Variants in PEX5 observed in about 807,000 individuals in gnomAD.
PEX5 encodes the protein peroxisomal biogenesis factor 5, also known as PTS1 receptor.
PEX5 carries 52 observed loss-of-function variants against 82.9 expected under a neutral mutation model. That is an observed-to-expected ratio of 0.63 (90% confidence interval 0.50 to 0.79). The LOEUF is 0.79. PEX5 is among the 30% of genes least tolerant of loss of function. The probability of loss-of-function intolerance (pLI) is 0.00; values close to 1 mark genes in which losing one functional copy is unlikely to be tolerated. For synonymous variants in PEX5, 300 were observed against 318.8 expected (o/e 0.94, Z 0.63); for missense variants, 719 against 815.2 (o/e 0.88, Z 1.44).
rs148266027 is a variant in PEX5 at position 7,208,627 on chromosome 12, G to A, written c.1352G>A (p.Gly451Glu). 6.5e-5 allele frequency: 105 copies of A among 1,614,054 alleles called. No individual in the cohort carries two copies. The highest frequency in any genetic ancestry group is 2.8e-4 in the Admixed American group (17 of 60,028). The change falls in exon 13 of 16, where the codon GGA (glycine) becomes GAA (glutamate). Residue 451 changes from glycine (G) to glutamate (E), a missense_variant. Transcript: ENST00000675855. ...TPAEEGAGGA[G>E]LGPSKRILGS... ...GCTGAAGAAGGGGCTGGTGGGGCAG[G>A]ACTGGGCCCCAGCAAGCGTATCCTG...
downstream of PEX5, among the ~76,000 whole-genome samples, chr12:7,215,567 A>C (rs1300742667): frequency 6.6e-6 from 1 of 152,226 alleles, no homozygotes; most frequent in Admixed American, 6.5e-5. Context: ...TCCGCGAAAA[A>C]GAACAAAATC....
chr12:7,209,979 T>C, intron 15 of PEX5, 43 bp from the exon 16 acceptor site: 1 of 1,608,210 alleles, frequency 6.2e-7, no homozygotes, highest in Middle Eastern at 1.7e-4. Flanking sequence ...TTCCTTCCAT[T>C]GTTGTTCAGC....
At chr12:7,190,269 C>G in intron 1 of PEX5, 93 bp from the exon 2 acceptor site, 1 of 1,591,380 alleles carries the variant, frequency 6.3e-7, no homozygotes, top group Non-Finnish European at 8.5e-7. Flanking sequence ...GTGGGGCAGA[C>G]GCCTGTGTGC....
At chr12:7,218,208 T>C (rs946705790) in intron 17 of PEX5, among the ~76,000 whole-genome samples, 4 of 152,198 alleles carry the variant, frequency 2.6e-5, no homozygotes, top group Admixed American at 1.3e-4. Flanking sequence ...TTAAGAGTCC[T>C]TCCAGGATTC....
downstream of PEX5, among the ~76,000 whole-genome samples, chr12:7,216,112 C>T (rs1388328399): frequency 1.3e-5 from 2 of 152,154 alleles, no homozygotes; most frequent in East Asian, 1.9e-4. Flanking sequence ...CTATTACAGG[C>T]GCCTGCCACC....
In PEX5 at chr12:7,208,600, C is replaced by T; in HGVS notation, c.1325C>T (p.Pro442Leu). The T allele has an allele frequency of 6.2e-7, 1 of 1,614,154 alleles. No individual in the cohort carries two copies. The highest frequency in any genetic ancestry group is 8.5e-7 in the Non-Finnish European group (1 of 1,180,024). ...CCAGCCTATGCCCATCTGGTGACAC[C>T]TGCTGAAGAAGGGGCTGGTGGGGCA... The part of the protein sequence containing the change: ...YTPAYAHLVT[P>L]AEEGAGGAGL... The change falls in exon 13 of 16, where the codon CCT (proline) becomes CTT (leucine). Residue 442 changes from proline (P) to leucine (L), a missense_variant. Transcript: ENST00000675855.
intron 6 of PEX5, among the ~76,000 whole-genome samples, chr12:7,200,213 G>T (rs1412098490): frequency 6.6e-6 from 1 of 150,830 alleles, no homozygotes; most frequent in Non-Finnish European, 1.5e-5. Flanking sequence ...TCCCAGACGG[G>T]GTCGCGGCCA....
At chr12:7,191,027 G>A in intron 3 of PEX5, 104 bp downstream of exon 3, 1 of 1,223,438 alleles carries the variant, frequency 8.2e-7, no homozygotes, top group Non-Finnish European at 1.2e-6. Flanking sequence ...TTTCCTGACC[G>A]AATGAGAATG....
At position 7,200,232 on chromosome 12, in the gene PEX5, C is replaced by T. The variant is rs1272494707; in HGVS notation, c.551+1119C>T. Among the ~76,000 whole-genome samples, 3 of 146,490 alleles carry T rather than the reference C, an allele frequency of 2.0e-5. 1 individual carries two copies. Among genetic ancestry groups the T allele is most frequent in the Admixed American group, 1.4e-4 (2 of 14,804 alleles). On this transcript the variant is annotated intron_variant, in intron 6 of 15. Transcript: ENST00000675855. Reference sequence around the variant, plus strand: ...AGACGGGGTCGCGGCCAGGCAGAGGCGCTCCTCACATCCCAGACGGGGCGG... The same window carrying T: ...AGACGGGGTCGCGGCCAGGCAGAGGTGCTCCTCACATCCCAGACGGGGCGG...
upstream of PEX5, chr12:7,188,784 C>G (rs1452821969): frequency 6.6e-6 from 1 of 152,500 alleles, no homozygotes; most frequent in Non-Finnish European, 1.5e-5. Flanking sequence ...CTCCATGACA[C>G]TAGGACTCCC....
At position 7,208,020 on chromosome 12, in the gene PEX5, A is replaced by G; in HGVS notation, c.1121A>G (p.Tyr374Cys). Residue 374 changes from tyrosine (Y) to cysteine (C), a missense_variant, in exon 12 of 16, where the codon TAT becomes TGT. By Grantham distance (194) the Tyr-to-Cys change is radical. Transcript: ENST00000675855. ...QDPKHMEAWQYLGTTQAENEQ... is the reference protein window; with the variant it reads ...QDPKHMEAWQCLGTTQAENEQ... ...TCAACTTCCCTCTAGGCTTGGCAGT[A>G]TCTGGGTACCACCCAGGCAGAGAAT... 2 of 1,613,442 alleles carry G rather than the reference A, an allele frequency of 1.2e-6. No homozygotes were observed. The highest frequency in any genetic ancestry group is 1.7e-6 in the Non-Finnish European group (2 of 1,179,348).
intron 6 of PEX5, among the ~76,000 whole-genome samples, chr12:7,201,510 T>A (rs1196218700): frequency 1.3e-5 from 2 of 152,204 alleles, no homozygotes; most frequent in African/African-American, 4.8e-5. Flanking sequence ...ATTTTGAGCC[T>A]GCTACTATCC....
At chr12:7,196,283 ATATAATTTAATTAT>A (rs1942182913) in intron 5 of PEX5, among the ~76,000 whole-genome samples, 1 of 73,266 alleles carries the variant, frequency 1.4e-5, no homozygotes, top group African/African-American at 6.1e-5. Flanking sequence ...TATATGTCAT[ATATAATTTAATTAT>A]ATGTCATATA....
At chr12:7,194,986 A>C (rs1941834922) in intron 5 of PEX5, among the ~76,000 whole-genome samples, 4 of 152,232 alleles carry the variant, frequency 2.6e-5, no homozygotes. Flanking sequence ...AGATAAGGAC[A>C]TGGAAACTTA....
rs1940513976 is a variant in PEX5, at chr12:7,189,687, T to C, written c.-80T>C. On this transcript the variant is annotated 5_prime_UTR_variant, in exon 1 of 16. Transcript: ENST00000675855. ...CCCCGCCCCCTGGCTCCCCGCCCCCTCTTCTCCCCTCCCCCAAGCCAGCAC... is the reference window on the plus strand; with the variant it reads ...CCCCGCCCCCTGGCTCCCCGCCCCCCCTTCTCCCCTCCCCCAAGCCAGCAC... 9.8e-6 allele frequency: 3 copies of C among 306,630 alleles called. No homozygotes were observed. The highest frequency in any genetic ancestry group is 1.8e-5 in the Non-Finnish European group (3 of 170,722). The allele number at this position is 306,630 out of a possible 1,614,324, so 19.0% of individuals were successfully genotyped here.
chr12:7,197,733 G>A (rs1202960940), intron 5 of PEX5, among the ~76,000 whole-genome samples: 2 of 152,064 alleles, frequency 1.3e-5, no homozygotes, highest in East Asian at 3.9e-4. Context: ...TACCGAAGGG[G>A]TAGTAAAAGC....
intron 5 of PEX5, among the ~76,000 whole-genome samples, chr12:7,192,535 A>G (rs1280029998): frequency 6.6e-6 from 1 of 152,242 alleles, no homozygotes; most frequent in African/African-American, 2.4e-5. Flanking sequence ...CTAATCAGGT[A>G]CATGGTGGGA....
Position 7,210,250 on chromosome 12 carries a change from T to C in PEX5, c.*27T>C, listed in dbSNP as rs756974471. ...AGTGGGACGGGCTGCCCTGTGAGTGTCCACCTGGAGGGATCCCCGCTTTGG... is the reference window on the plus strand; with the variant it reads ...AGTGGGACGGGCTGCCCTGTGAGTGCCCACCTGGAGGGATCCCCGCTTTGG... On this transcript the variant is annotated 3_prime_UTR_variant, in exon 16 of 16. Coordinates refer to ENST00000675855, the MANE Select transcript of PEX5 (RefSeq NM_001351132.2). 1 of 1,605,774 alleles carries C rather than the reference T, an allele frequency of 6.2e-7. No homozygotes were observed. The highest frequency in any genetic ancestry group is 8.5e-7 in the Non-Finnish European group (1 of 1,173,136).
Position 7,202,360 on chromosome 12 carries a change from T to C in PEX5, c.753+9T>C. On this transcript the variant is annotated intron_variant, in intron 8 of 15. Transcript: ENST00000675855. ...AGTTTATACAGCAGCAGGTAGGACA[T>C]TGTCACTTTCCAGTCCCACTTCAGA... 1.9e-6 allele frequency: 3 copies of C among 1,614,026 alleles called. No homozygotes were observed. Among genetic ancestry groups the C allele is most frequent in the Non-Finnish European group, 2.5e-6 (3 of 1,179,972 alleles).
Sources: allele counts gnomAD v4.1 joint callset (sites outside exome capture counted in the v4.1 genomes callset), GRCh38; gene constraint gnomAD v4.1.1; transcripts MANE v1.5; gene names NCBI Gene and HGNC (gene_info 2026-07-23, HGNC 2026-07-21).